Variants in NUBPL observed in about 807,000 individuals in gnomAD.
The protein encoded by NUBPL is iron-sulfur cluster transfer protein NUBPL.
Under a neutral mutation model 45.7 loss-of-function variants are expected in NUBPL, and 31 were observed. The observed-to-expected ratio is 0.68, with a 90% CI of 0.51 to 0.92. The LOEUF is 0.92. Among genes scored for constraint, NUBPL ranks in the 40% least tolerant of loss-of-function variants. NUBPL has a pLI of 0.00. For synonymous variants in NUBPL, 144 were observed against 140.9 expected (o/e 1.02, Z -0.15); for missense variants, 401 against 398.7 (o/e 1.01, Z -0.05).
chr14:31,632,367 G>A (rs1172854036), intron 4 of NUBPL, among the ~76,000 whole-genome samples: 1 of 152,288 alleles, frequency 6.6e-6, no homozygotes, highest in East Asian at 1.9e-4. Flanking sequence ...CTACAGAGAG[G>A]AAGCCAGGAA....
intron 4 of NUBPL, among the ~76,000 whole-genome samples, chr14:31,622,373 T>G (rs896699806): frequency 1.3e-5 from 2 of 152,050 alleles, no homozygotes; most frequent in East Asian, 1.9e-4. Flanking sequence ...CTCGTTTTTT[T>G]GGGGGGAGAA....
intron 6 of NUBPL, among the ~76,000 whole-genome samples, chr14:31,739,235 A>G (rs1348806172): frequency 7.7e-6 from 1 of 130,532 alleles, no homozygotes. Context: ...TATATATATT[A>G]TATTCTATAT....
chr14:31,802,289 T>TC (rs2039605739), intron 7 of NUBPL, among the ~76,000 whole-genome samples: 2 of 151,954 alleles, frequency 1.3e-5, no homozygotes, highest in African/African-American at 2.4e-5. Flanking sequence ...CTTCTTCTTT[T>TC]TTTTTTTGAC....
chr14:31,631,259 T>A (rs1289648539), intron 4 of NUBPL, among the ~76,000 whole-genome samples: 1 of 152,166 alleles, frequency 6.6e-6, no homozygotes, highest in Non-Finnish European at 1.5e-5. Context: ...GGGGGGCTAC[T>A]CAGGGGTTAA....
chr14:31,857,708 C>T (rs752585371), intron 10 of NUBPL, among the ~76,000 whole-genome samples: 2 of 152,192 alleles, frequency 1.3e-5, no homozygotes, highest in African/African-American at 4.8e-5. Flanking sequence ...TAAAACATAA[C>T]AAGAGTCACC....
chr14:31,841,200 A>G (rs965352755), intron 8 of NUBPL, among the ~76,000 whole-genome samples: 2 of 152,208 alleles, frequency 1.3e-5, no homozygotes, highest in Admixed American at 1.3e-4. Context: ...CTGTTGATAC[A>G]TAACTGGAAG....
At chr14:31,844,245 C>T (rs1205314815) in intron 8 of NUBPL, 1 of 152,146 alleles carries the variant, frequency 6.6e-6, no homozygotes, top group Non-Finnish European at 1.5e-5. Context: ...TTGAAATATA[C>T]CCTCACAAAG....
At chr14:31,599,810 C>T (rs1364697557) in intron 4 of NUBPL, among the ~76,000 whole-genome samples, 1 of 152,108 alleles carries the variant, frequency 6.6e-6, no homozygotes, top group Non-Finnish European at 1.5e-5. Context: ...TAAGGAGCAT[C>T]TCTTACCATC....
chr14:31,602,010 C>T (rs2034447615), intron 4 of NUBPL, among the ~76,000 whole-genome samples: 1 of 152,154 alleles, frequency 6.6e-6, no homozygotes, highest in South Asian at 2.1e-4. Flanking sequence ...CAATGATAGA[C>T]TGGATTAAGA....
intron 3 of NUBPL, among the ~76,000 whole-genome samples, chr14:31,582,524 A>T (rs911707670): frequency 2.6e-5 from 4 of 152,082 alleles, no homozygotes; most frequent in African/African-American, 4.8e-5. Flanking sequence ...AATATTTGGA[A>T]CAAGAGGAAT....
intron 3 of NUBPL, among the ~76,000 whole-genome samples, chr14:31,576,589 CTGTT>C (rs760963839): frequency 1.9e-4 from 29 of 152,102 alleles, no homozygotes; most frequent in Non-Finnish European, 4.0e-4. Flanking sequence ...AGCCTAGAGA[CTGTT>C]TGGGAGATTG....
intron 4 of NUBPL, among the ~76,000 whole-genome samples, chr14:31,636,379 A>T (rs1482502674): frequency 6.6e-6 from 1 of 152,112 alleles, no homozygotes; most frequent in Non-Finnish European, 1.5e-5. Flanking sequence ...TTCTGTTTAT[A>T]TGCTGGATTA....
chr14:31,731,928 C>T (rs367984899), intron 6 of NUBPL, among the ~76,000 whole-genome samples: 31 of 151,932 alleles, frequency 2.0e-4, no homozygotes, highest in African/African-American at 6.3e-4. Context: ...GGAGGCCGGA[C>T]GCGGTGGCTC....
chr14:31,811,452 A>G (rs536829643), intron 7 of NUBPL, among the ~76,000 whole-genome samples: 2 of 152,254 alleles, frequency 1.3e-5, no homozygotes, highest in East Asian at 3.9e-4. Context: ...TTCTTGTGCC[A>G]TGGTTTTCAG....
intron 6 of NUBPL, among the ~76,000 whole-genome samples, chr14:31,745,468 AT>A (rs945291715): frequency 6.6e-6 from 1 of 151,728 alleles, no homozygotes; most frequent in Non-Finnish European, 1.5e-5. Context: ...ACATTTTTGT[AT>A]TTTTTTAGTA....
At chr14:31,745,429 A>G (rs1428425745) in intron 6 of NUBPL, among the ~76,000 whole-genome samples, 1 of 151,772 alleles carries the variant, frequency 6.6e-6, no homozygotes, top group Non-Finnish European at 1.5e-5. Flanking sequence ...TATGTGCCAC[A>G]TTTTCTTAAT....
At chr14:31,745,749 G>A (rs1566537834) in intron 6 of NUBPL, among the ~76,000 whole-genome samples, 1 of 151,900 alleles carries the variant, frequency 6.6e-6, no homozygotes, top group Non-Finnish European at 1.5e-5. Flanking sequence ...GTCAGGGCAT[G>A]GAAAAATACT....
chr14:31,683,686 C>T (rs1047335780), intron 6 of NUBPL, among the ~76,000 whole-genome samples: 3 of 152,104 alleles, frequency 2.0e-5, no homozygotes, highest in African/African-American at 4.8e-5. Context: ...TACACACTTG[C>T]TATTTCAGTA....
intron 6 of NUBPL, among the ~76,000 whole-genome samples, chr14:31,717,469 C>A (rs1037684363): frequency 2.0e-5 from 3 of 152,146 alleles, no homozygotes; most frequent in African/African-American, 7.2e-5. Context: ...CTACCTCTAC[C>A]TGGTTGCTAT....
Sources: allele counts gnomAD v4.1 joint callset (sites outside exome capture counted in the v4.1 genomes callset), GRCh38; gene constraint gnomAD v4.1.1; transcripts MANE v1.5; gene names NCBI Gene and HGNC (gene_info 2026-07-23, HGNC 2026-07-21).